Variants in NCOA3 observed in about 807,000 individuals in gnomAD.
The protein encoded by NCOA3 is CBP-interacting protein.
In NCOA3, 51 loss-of-function variants were observed where a neutral mutation model predicts 158.8. That is an observed-to-expected ratio of 0.32 (90% confidence interval 0.26 to 0.41). NCOA3 has a LOEUF of 0.41. Among genes scored for constraint, NCOA3 ranks in the 10% least tolerant of loss-of-function variants. The pLI is 1.00. For missense variants in NCOA3, 1,510 were observed against 1,746.6 expected, an observed-to-expected ratio of 0.86 and a Z score of 2.41; for synonymous variants, 537 against 592.4, an observed-to-expected ratio of 0.91 and a Z score of 1.36.
rs377761796 is a variant in NCOA3 at position 47,537,786 on chromosome 20, A to G, written c.-99+35767A>G. On this transcript the variant is annotated intron_variant, in intron 1 of 22. Coordinates refer to ENST00000371998, the MANE Select transcript of NCOA3 (RefSeq NM_181659.3). ...AGTAGAGATTGGGTTTCACTGTGTT[A>G]GCCAGGATGGTCTTGATCTCCTGAC... is the stretch of plus-strand genomic sequence containing the variant. Among the ~76,000 whole-genome samples the G allele has an allele frequency of 9.2e-5, 14 of 151,964 alleles. No homozygotes were observed. The South Asian group carries it at 1.5e-3, about 16-fold the overall frequency.
At chr20:47,563,902 A>G (rs1422577187) in intron 1 of NCOA3, among the ~76,000 whole-genome samples, 12 of 150,032 alleles carry the variant, frequency 8.0e-5, no homozygotes, top group South Asian at 2.1e-4. Context: ...AAAAAAAAAA[A>G]AAGAAAGAAA....
At chr20:47,649,726 G>T (rs2086750925) in intron 19 of NCOA3, among the ~76,000 whole-genome samples, 1 of 152,066 alleles carries the variant, frequency 6.6e-6, no homozygotes, top group African/African-American at 2.4e-5. Flanking sequence ...GATTTTTATT[G>T]TCTTATGCCT....
At chr20:47,620,706 TTAAA>T (rs1156369249) in intron 2 of NCOA3, among the ~76,000 whole-genome samples, 1 of 152,238 alleles carries the variant, frequency 6.6e-6, no homozygotes, top group Non-Finnish European at 1.5e-5. Context: ...TATTGGTCTC[TTAAA>T]TAACCGTCGT....
At chr20:47,529,909 CAGGA>C (rs1450706442) in intron 1 of NCOA3, among the ~76,000 whole-genome samples, 2 of 152,190 alleles carry the variant, frequency 1.3e-5, no homozygotes, top group Non-Finnish European at 2.9e-5. Flanking sequence ...AACTGCTTTG[CAGGA>C]AGAAAGAAAT....
chr20:47,502,702 C>CT (rs3083969), intron 1 of NCOA3, among the ~76,000 whole-genome samples: 100,943 of 139,304 alleles, frequency 0.72, 37,210 homozygotes, highest in East Asian at 0.83. Flanking sequence ...TTTATTACTA[C>CT]TTTTTTTTTT....
intron 2 of NCOA3, among the ~76,000 whole-genome samples, chr20:47,611,086 A>G (rs1019501954): frequency 2.7e-4 from 41 of 152,124 alleles, no homozygotes; most frequent in African/African-American, 9.7e-4. Context: ...CAGGTGGCTA[A>G]TGTTGTCATC....
intron 2 of NCOA3, among the ~76,000 whole-genome samples, chr20:47,617,881 G>A (rs969463317): frequency 6.6e-6 from 1 of 152,146 alleles, no homozygotes; most frequent in African/African-American, 2.4e-5. Context: ...TACAGTAAAT[G>A]TACCTAAGTT....
rs922251633 is a variant in NCOA3, at chr20:47,547,882, ATTATT to A, written c.-98-35283_-98-35279del. ...AGGCGCCTGCCACCACCCCCTGCTA[ATTATT>A]TTATTTTATTTTATTTTTATTTTTA... On this transcript the variant is annotated intron_variant, in intron 1 of 22. Coordinates refer to ENST00000371998, the MANE Select transcript of NCOA3 (RefSeq NM_181659.3). Among the ~76,000 whole-genome samples the A allele has an allele frequency of 6.9e-4, 104 of 151,716 alleles. 2 individuals are homozygous for A. Among genetic ancestry groups the A allele is most frequent in the African/African-American group, 2.3e-3 (96 of 41,362 alleles).
At chr20:47,586,363 C>G (rs1462878528) in intron 2 of NCOA3, among the ~76,000 whole-genome samples, 1 of 152,120 alleles carries the variant, frequency 6.6e-6, no homozygotes, top group Non-Finnish European at 1.5e-5. Flanking sequence ...TCTCTTTTCT[C>G]TTTTTCTACC....
At chr20:47,536,959 A>G (rs1157616559) in intron 1 of NCOA3, among the ~76,000 whole-genome samples, 5 of 150,554 alleles carry the variant, frequency 3.3e-5, no homozygotes, top group Non-Finnish European at 7.4e-5. Context: ...GTGCGCCACC[A>G]TGCCCGGCTA....
chr20:47,521,050 G>T (rs2084323808), intron 1 of NCOA3, among the ~76,000 whole-genome samples: 1 of 152,234 alleles, frequency 6.6e-6, no homozygotes, highest in African/African-American at 2.4e-5. Flanking sequence ...TACTCTACCG[G>T]CTCCCACGGC....
At position 47,634,077 on chromosome 20, in the gene NCOA3, G is replaced by C; in HGVS notation, c.994G>C (p.Val332Leu). 1 of 1,614,108 alleles carries C rather than the reference G, an allele frequency of 6.2e-7. No homozygotes were observed. Among genetic ancestry groups the C allele is most frequent in the Non-Finnish European group, 8.5e-7 (1 of 1,180,018 alleles). Reference sequence around the variant, plus strand: ...TCTTAATGGCCATGCAGAAACCCCAGTATATCGATTCTCGTTGGCTGATGG... The same window carrying C: ...TCTTAATGGCCATGCAGAAACCCCACTATATCGATTCTCGTTGGCTGATGG... ...AYLNGHAETPVYRFSLADGTI... is the reference protein window; with the variant it reads ...AYLNGHAETPLYRFSLADGTI... Residue 332 changes from valine to leucine, a missense_variant, in exon 10 of 23, where the codon GTA becomes CTA. Around this residue, in one of 4 missense-constraint regions of NCOA3, gnomAD observed 309 missense variants for 427.1 expected, o/e 0.72. Transcript: ENST00000371998.
At chr20:47,635,811 G>T (rs918936895) in intron 11 of NCOA3, 80 bp from the exon 12 acceptor site, 2 of 1,494,408 alleles carry the variant, frequency 1.3e-6, no homozygotes, top group African/African-American at 2.8e-5. Context: ...TTTTATAATA[G>T]AAACTTTGAA....
chr20:47,652,831 A>G (rs1193200375), intron 21 of NCOA3, 100 bp from the exon 22 acceptor site: 2 of 1,365,128 alleles, frequency 1.5e-6, no homozygotes, highest in Non-Finnish European at 2.0e-6. Flanking sequence ...TCCCAGCTTA[A>G]GTATAGCAAT....
intron 1 of NCOA3, among the ~76,000 whole-genome samples, chr20:47,577,069 C>G (rs2085383476): frequency 6.6e-6 from 1 of 152,200 alleles, no homozygotes; most frequent in Non-Finnish European, 1.5e-5. Flanking sequence ...TCTCCTTAAT[C>G]TAAAGCTAAT....
Position 47,623,981 on chromosome 20 carries a change from A to G in NCOA3, c.154A>G (p.Ile52Val). The G allele has an allele frequency of 6.2e-7, 1 of 1,613,254 alleles. No homozygotes were observed. Among genetic ancestry groups the G allele is most frequent in the Non-Finnish European group, 8.5e-7 (1 of 1,179,718 alleles). ...ATATATTGAAGAATTGGCTGAGCTG[A>G]TATCTGCCAATCTTAGTGATATTGA... Reference protein sequence around the residue: ...SKYIEELAELISANLSDIDNF... With the variant: ...SKYIEELAELVSANLSDIDNF... Residue 52 changes from isoleucine to valine, a missense_variant, in exon 4 of 23, where the codon ATA becomes GTA. Ile to Val is a conservative substitution (Grantham distance 29). Coordinates refer to ENST00000371998, the MANE Select transcript of NCOA3 (RefSeq NM_181659.3).
rs1568724462 is a variant in NCOA3 at position 47,611,064 on chromosome 20, C to A, written c.-19-11165C>A. 3.3e-5 allele frequency among the ~76,000 whole-genome samples: 5 copies of A among 152,166 alleles called. No individual in the cohort carries two copies. The South Asian group carries it at 1.0e-3, about 32-fold the overall frequency. ...TATGTACCATCCTTGCTGCTCTCAG[C>A]TGTTTGGTTACCAGGTGGCTAATGT... On this transcript the variant is annotated intron_variant, in intron 2 of 22. Transcript: ENST00000371998.
At chr20:47,524,404 G>A (rs11700063) in intron 1 of NCOA3, among the ~76,000 whole-genome samples, 31,223 of 152,120 alleles carry the variant, frequency 0.21, 3,704 homozygotes, top group Middle Eastern at 0.3. Flanking sequence ...GAAATTAAAG[G>A]ACAGATTTAA....
At chr20:47,521,207 G>T (rs539426384) in intron 1 of NCOA3, among the ~76,000 whole-genome samples, 1 of 152,294 alleles carries the variant, frequency 6.6e-6, no homozygotes, top group East Asian at 1.9e-4. Context: ...CCCTGAGGCC[G>T]CCACAAGGGG....
Sources: gnomAD v4.1 joint callset for allele counts (sites outside exome capture counted in the v4.1 genomes callset) on GRCh38, gnomAD v4.1.1 for gene constraint, gnomAD v4.1.1 regional missense constraint, MANE v1.5 for transcripts, NCBI Gene and HGNC (gene_info 2026-07-23, HGNC 2026-07-21) for gene names.